The following TK2 variants were observed in gnomAD, a reference collection of about 807,000 sequenced individuals.
The protein encoded by TK2 is thymidine kinase 2.
TK2 carries 35 observed loss-of-function variants against 41.9 expected under a neutral mutation model. That is an observed-to-expected ratio of 0.84 (90% CI 0.64 to 1.11). The LOEUF (loss-of-function observed/expected upper bound fraction) is 1.11. Among genes scored for constraint, TK2 ranks in the 50% least tolerant of loss-of-function variants. TK2 has a pLI of 0.00. For synonymous variants in TK2, 128 were observed against 129.1 expected (o/e 0.99, Z 0.06); for missense variants, 320 against 351.1 (o/e 0.91, Z 0.71).
At chr16:66,519,218 G>A (rs918388456) in intron 6 of TK2, among the ~76,000 whole-genome samples, 9 of 151,918 alleles carry the variant, frequency 5.9e-5, no homozygotes, top group South Asian at 2.1e-4. Flanking sequence ...TCACTCTGTC[G>A]CCCAGGCTGG....
chr16:66,516,307 C>T (rs1484107322), intron 8 of TK2, among the ~76,000 whole-genome samples: 1 of 152,204 alleles, frequency 6.6e-6, no homozygotes, highest in Non-Finnish European at 1.5e-5. Flanking sequence ...CATAACTCCA[C>T]TGTGTATGTG....
At chr16:66,512,374 G>A (rs1215336795) in intron 9 of TK2, among the ~76,000 whole-genome samples, 1 of 151,756 alleles carries the variant, frequency 6.6e-6, no homozygotes, top group Non-Finnish European at 1.5e-5. Flanking sequence ...ACCAGCCTGG[G>A]CAACACAGTG....
chr16:66,542,169 C>T (rs1321771797), intron 2 of TK2, among the ~76,000 whole-genome samples: 1 of 152,056 alleles, frequency 6.6e-6, no homozygotes, highest in African/African-American at 2.4e-5. Context: ...CTCATGTGGT[C>T]CCCCCAGACC....
rs1336391671 is a variant in TK2, at chr16:66,549,974, C to T, written c.88G>A (p.Gly30Arg). 1 of 1,487,616 alleles carries T rather than the reference C, an allele frequency of 6.7e-7. No homozygotes were observed. The highest frequency in any genetic ancestry group is 8.9e-7 in the Non-Finnish European group (1 of 1,127,880). The allele number at this position is 1,487,616 out of a possible 1,614,324, so 92.2% of individuals were successfully genotyped here. A position where few individuals can be genotyped will look rare whatever the true frequency, so the allele number is the denominator to read the frequency against. ...GCCCGGCGCTGCACCCTCCGCGGCC[C>T]GGGGCCTGAGGCCGGGCTCCCGCGA... ...GSRGSPASGPGPRRVQRRAWP... is the reference protein window; with the variant it reads ...GSRGSPASGPRPRRVQRRAWP... Residue 30 changes from glycine to arginine, a missense_variant, in exon 1 of 10, where the codon GGG becomes AGG. Coordinates refer to ENST00000544898, the MANE Select transcript of TK2 (RefSeq NM_004614.5).
At chr16:66,539,147 C>T (rs1163673713) in intron 3 of TK2, among the ~76,000 whole-genome samples, 1 of 152,138 alleles carries the variant, frequency 6.6e-6, no homozygotes, top group African/African-American at 2.4e-5. Context: ...ATAAGCACTT[C>T]TAAAGTGCCA....
chr16:66,548,893 A>G (rs1436983423), intron 2 of TK2, 85 bp downstream of exon 2: 5 of 1,348,588 alleles, frequency 3.7e-6, no homozygotes, highest in South Asian at 2.4e-5. Flanking sequence ...TATGGAATGT[A>G]TTTTTGCTTT....
At chr16:66,527,591 C>T (rs1567531553) in intron 6 of TK2, among the ~76,000 whole-genome samples, 1 of 152,028 alleles carries the variant, frequency 6.6e-6, no homozygotes, top group South Asian at 2.1e-4. Context: ...GCTTATGGTC[C>T]GGGGGGGTGG....
intron 3 of TK2, among the ~76,000 whole-genome samples, chr16:66,538,164 A>G (rs1965345432): frequency 6.6e-6 from 1 of 152,056 alleles, no homozygotes; most frequent in South Asian, 2.1e-4. Flanking sequence ...CTCCGTCTCT[A>G]AAAAGAAAAG....
In TK2 at chr16:66,510,641, G is replaced by A. The variant is rs1022816383; in HGVS notation, c.*1327C>T. The A allele has an allele frequency of 8.5e-5, 13 of 152,244 alleles. No individual in the cohort carries two copies. Among genetic ancestry groups the A allele is most frequent in the African/African-American group, 2.9e-4 (12 of 41,460 alleles). The allele number at this position is 152,244 out of a possible 1,614,324, so 9.4% of individuals were successfully genotyped here. A position where few individuals can be genotyped will look rare whatever the true frequency, so the allele number is the denominator to read the frequency against. ...TTTACAGCCAACAGCTGCTCTGAGA[G>A]GCTGTGGCCTGTTTCTCCAGAGTTG... On this transcript the variant is annotated 3_prime_UTR_variant, in exon 10 of 10. Transcript: ENST00000544898.
In TK2 at chr16:66,546,895, G is replaced by A. The variant is rs190048849; in HGVS notation, c.156+2083C>T. On this transcript the variant is annotated intron_variant, in intron 2 of 9. Transcript: ENST00000544898. ...GCCTCCCGAGTAGCTAGGACTACTG[G>A]TGCATGCCACCATGCCCAGCTAATT... 2.0e-5 allele frequency among the ~76,000 whole-genome samples: 3 copies of A among 152,074 alleles called. No homozygotes were observed. In the East Asian group the frequency reaches 5.8e-4, roughly 29 times the overall value.
intron 2 of TK2, among the ~76,000 whole-genome samples, chr16:66,545,925 C>T (rs1230932938): frequency 6.6e-6 from 1 of 152,046 alleles, no homozygotes; most frequent in Non-Finnish European, 1.5e-5. Flanking sequence ...AACACAAATC[C>T]CTAAAGAGAC....
chr16:66,517,356 C>A lies in TK2; in HGVS notation c.539-141G>T. 1.3e-6 allele frequency: 1 copy of A among 786,330 alleles called. No individual in the cohort carries two copies. Among genetic ancestry groups the A allele is most frequent in the Admixed American group, 1.8e-5 (1 of 56,430 alleles). 48.7% of individuals were successfully genotyped at this position (786,330 alleles called of 1,614,324 possible). A position where few individuals can be genotyped will look rare whatever the true frequency, so the allele number is the denominator to read the frequency against. On this transcript the variant is annotated intron_variant, in intron 7 of 9. Coordinates refer to ENST00000544898, the MANE Select transcript of TK2 (RefSeq NM_004614.5). The surrounding 1 kb of genome is among the most constrained non-coding windows in gnomAD (Gnocchi z 4.3). Reference sequence around the variant, plus strand: ...GCCAGCTCTTGGCTTGACCACTGACCCTCCGCCTCGACTTTCATTCTCTTT... The same window carrying A: ...GCCAGCTCTTGGCTTGACCACTGACACTCCGCCTCGACTTTCATTCTCTTT...
intron 3 of TK2, among the ~76,000 whole-genome samples, chr16:66,541,413 T>C (rs1432012062): frequency 5.9e-5 from 9 of 152,180 alleles, no homozygotes; most frequent in Non-Finnish European, 2.9e-5. Flanking sequence ...AAATGTCCTT[T>C]TTATTTTTTG....
chr16:66,530,109 T>C (rs1187080528), intron 5 of TK2, among the ~76,000 whole-genome samples: 2 of 152,218 alleles, frequency 1.3e-5, no homozygotes, highest in African/African-American at 2.4e-5. Context: ...ATTTGTGGAT[T>C]TGTGCAATTT....
At chr16:66,532,128 C>A (rs1394713463) in intron 4 of TK2, among the ~76,000 whole-genome samples, 1 of 125,000 alleles carries the variant, frequency 8.0e-6, no homozygotes, top group African/African-American at 3.6e-5. Context: ...GTTGAAATGA[C>A]CAAAAAAAAA....
At chr16:66,524,704 A>C (rs1964879251) in intron 6 of TK2, among the ~76,000 whole-genome samples, 1 of 152,178 alleles carries the variant, frequency 6.6e-6, no homozygotes, top group South Asian at 2.1e-4. Context: ...GTATGGTCCC[A>C]CCTGGGCACC....
At chr16:66,542,957 C>T (rs1249968767) in intron 2 of TK2, among the ~76,000 whole-genome samples, 2 of 152,166 alleles carry the variant, frequency 1.3e-5, no homozygotes, top group African/African-American at 2.4e-5. Context: ...ACTGCAACCT[C>T]CACCTCCTGG....
chr16:66,531,530 T>C, intron 4 of TK2, 61 bp from the exon 5 acceptor site: 1 of 1,534,114 alleles, frequency 6.5e-7, no homozygotes. Context: ...GACCCTGGTC[T>C]CACAAGGCAC....
chr16:66,543,437 G>C (rs895902809), intron 2 of TK2, among the ~76,000 whole-genome samples: 1 of 152,182 alleles, frequency 6.6e-6, no homozygotes, highest in Non-Finnish European at 1.5e-5. Flanking sequence ...AGGCCCAGTG[G>C]CTCTGGCTCC....
Sources: allele counts gnomAD v4.1 joint callset (sites outside exome capture counted in the v4.1 genomes callset), GRCh38; gene constraint gnomAD v4.1.1; non-coding constraint Gnocchi (gnomAD v3.1); transcripts MANE v1.5; gene names NCBI Gene and HGNC (gene_info 2026-07-23, HGNC 2026-07-21).